DPF3: variants seen among roughly 807,000 people sequenced by gnomAD.
The protein encoded by DPF3 is zinc finger protein DPF3.
A neutral mutation model predicts 56.8 loss-of-function variants in DPF3; 18 were observed. That is an observed-to-expected ratio of 0.32 (90% CI 0.22 to 0.47). The LOEUF (loss-of-function observed/expected upper bound fraction) is 0.47, where lower values mean the gene tolerates loss of function less well. DPF3 is among the 20% of genes least tolerant of loss of function. DPF3 has a pLI of 1.00. For synonymous variants in DPF3, 188 were observed against 180.2 expected, an observed-to-expected ratio of 1.04 and a Z score of -0.35; for missense variants, 403 against 488.8, an observed-to-expected ratio of 0.82 and a Z score of 1.65.
At chr14:72,717,069 C>T (rs1888963131) in intron 5 of DPF3, among the ~76,000 whole-genome samples, 1 of 152,150 alleles carries the variant, frequency 6.6e-6, no homozygotes. Flanking sequence ...CATTCATTGC[C>T]ATCTACAACC....
intron 1 of DPF3, among the ~76,000 whole-genome samples, chr14:72,817,050 A>G (rs1012852471): frequency 1.3e-5 from 2 of 152,142 alleles, no homozygotes; most frequent in Non-Finnish European, 2.9e-5. Flanking sequence ...CTCCTCAGTC[A>G]GAGCCAACCT....
chr14:72,759,916 G>A (rs1285265471), intron 2 of DPF3, among the ~76,000 whole-genome samples: 1 of 152,066 alleles, frequency 6.6e-6, no homozygotes, highest in Non-Finnish European at 1.5e-5. Context: ...TCTATACCCA[G>A]CTAAAATATC....
intron 8 of DPF3, among the ~76,000 whole-genome samples, chr14:72,667,954 T>C (rs895432213): frequency 2.6e-5 from 4 of 152,242 alleles, no homozygotes; most frequent in African/African-American, 4.8e-5. Context: ...GGCTCCTTCC[T>C]AGGTGTACAT....
intron 8 of DPF3, among the ~76,000 whole-genome samples, chr14:72,648,600 C>T (rs1329674901): frequency 2.0e-5 from 3 of 151,096 alleles, no homozygotes; most frequent in African/African-American, 4.9e-5. Flanking sequence ...ATAAAACGAT[C>T]GCATCTTCTC....
At chr14:72,863,973 G>A (rs1454023364) in intron 1 of DPF3, among the ~76,000 whole-genome samples, 1 of 152,220 alleles carries the variant, frequency 6.6e-6, no homozygotes, top group Admixed American at 6.5e-5. Context: ...AGGCCTGGAG[G>A]TGGGAAGCCC....
chr14:72,813,937 G>A (rs752697139), intron 1 of DPF3, among the ~76,000 whole-genome samples: 3 of 152,154 alleles, frequency 2.0e-5, no homozygotes, highest in Middle Eastern at 3.2e-3. Flanking sequence ...GTTTAATTCA[G>A]AGGTTGGCGA....
chr14:72,794,298 C>T (rs1394078724), intron 1 of DPF3, among the ~76,000 whole-genome samples: 1 of 152,210 alleles, frequency 6.6e-6, no homozygotes, highest in Non-Finnish European at 1.5e-5. Context: ...ATTGCCACCA[C>T]CAGTGCCAGA....
chr14:72,860,098 G>A (rs1022935701), intron 1 of DPF3, among the ~76,000 whole-genome samples: 2 of 152,154 alleles, frequency 1.3e-5, no homozygotes, highest in African/African-American at 4.8e-5. Flanking sequence ...ATTTTTACAA[G>A]CTTAGCTGCG....
intron 1 of DPF3, among the ~76,000 whole-genome samples, chr14:72,857,599 T>A (rs1885217249): frequency 6.6e-6 from 1 of 152,138 alleles, no homozygotes; most frequent in Admixed American, 6.5e-5. Flanking sequence ...TTTGTTTGTT[T>A]GTTTTTGAGA....
At chr14:72,827,163 C>T (rs1055597116) in intron 1 of DPF3, among the ~76,000 whole-genome samples, 13 of 152,008 alleles carry the variant, frequency 8.6e-5, no homozygotes, top group Non-Finnish European at 1.6e-4. Flanking sequence ...TGCCATGTTC[C>T]GCTTGGGGTG....
At chr14:72,670,249 A>C in intron 8 of DPF3, 1 of 985,894 alleles carries the variant, frequency 1.0e-6, no homozygotes. Context: ...TGGTGGAGTC[A>C]CTGCTGAGCC....
chr14:72,620,067 T>G, intron 9 of DPF3, 83 bp from the exon 10 acceptor site: 1 of 1,387,984 alleles, frequency 7.2e-7, no homozygotes, highest in South Asian at 1.5e-5. Context: ...CCCATCAGCC[T>G]TATTTCCACG....
In DPF3 at chr14:72,689,459, C is replaced by T. The variant is rs575221391; in HGVS notation, c.742+3617G>A. 7.2e-5 allele frequency among the ~76,000 whole-genome samples: 11 copies of T among 152,262 alleles called. No homozygotes were observed. In the South Asian group the frequency reaches 2.1e-3, roughly 29 times the overall value. ...GCAGATTAGCCTCTTGGATTAAGCT[C>T]TCCTACCTGCCCCTCCCCTCCAAAA... is the stretch of plus-strand genomic sequence containing the variant. On this transcript the variant is annotated intron_variant, in intron 7 of 10. Transcript: ENST00000556509.
At position 72,610,778 on chromosome 14, in the gene DPF3, A is replaced by C. The variant is rs537921225; in HGVS notation, c.*8519T>G. Among the ~76,000 whole-genome samples the C allele has an allele frequency of 7.9e-5, 12 of 152,278 alleles. No homozygotes were observed. In the East Asian group the frequency reaches 2.3e-3, roughly 29 times the overall value. On this transcript the variant is annotated 3_prime_UTR_variant, in exon 11 of 11. Coordinates refer to ENST00000556509, the MANE Select transcript of DPF3 (RefSeq NM_001280542.3). ...TCTTGGGCTCCCAGGTTCATCCCTC[A>C]AGGAGCTGGGGACCTGAGGGCTCAG... is the stretch of plus-strand genomic sequence containing the variant.
At chr14:72,705,110 G>A (rs1888349868) in intron 6 of DPF3, among the ~76,000 whole-genome samples, 1 of 152,192 alleles carries the variant, frequency 6.6e-6, no homozygotes, top group Admixed American at 6.5e-5. Context: ...ACAGCAGGAT[G>A]TGAGTGGCGG....
At position 72,799,193 on chromosome 14, in the gene DPF3, C is replaced by T. The variant is rs117943478; in HGVS notation, c.33-27300G>A. ...TGTAATACCTCCATCCTTCCATCAACCCATCCTCCCTATGGTGGACATAGG... is the reference window on the plus strand; with the variant it reads ...TGTAATACCTCCATCCTTCCATCAATCCATCCTCCCTATGGTGGACATAGG... On this transcript the variant is annotated intron_variant, in intron 1 of 10. Coordinates refer to ENST00000556509, the MANE Select transcript of DPF3 (RefSeq NM_001280542.3). Among the ~76,000 whole-genome samples the T allele has an allele frequency of 2.1e-3, 315 of 152,294 alleles. 1 individual carries two copies. Among genetic ancestry groups the T allele is most frequent in the Non-Finnish European group, 4.1e-3 (282 of 68,022 alleles).
At chr14:72,759,576 G>A (rs1285079457) in intron 2 of DPF3, among the ~76,000 whole-genome samples, 2 of 138,814 alleles carry the variant, frequency 1.4e-5, no homozygotes, top group Admixed American at 7.5e-5. Context: ...AGGGAGAGAG[G>A]GAAGAAAGGG....
At position 72,844,143 on chromosome 14, in the gene DPF3, G is replaced by A. The variant is rs191275657; in HGVS notation, c.32+49914C>T. ...AGGAGTACTGAGATATATAAAACAC[G>A]GGTACACACATAACAGGTTCTAGTC... On this transcript the variant is annotated intron_variant, in intron 1 of 10. Transcript: ENST00000556509. Among the ~76,000 whole-genome samples, 384 of 152,270 alleles carry A rather than the reference G, an allele frequency of 2.5e-3. 6 individuals are homozygous for A. The highest frequency in any genetic ancestry group is 2.6e-3 in the Admixed American group (39 of 15,286).
At chr14:72,674,150 T>C in intron 8 of DPF3, 90 bp downstream of exon 8, 1 of 1,469,032 alleles carries the variant, frequency 6.8e-7, no homozygotes, top group South Asian at 1.5e-5. Context: ...CGCTTCCCTC[T>C]CCAGTCTCCA....
Sources: allele counts gnomAD v4.1 joint callset (sites outside exome capture counted in the v4.1 genomes callset), GRCh38; gene constraint gnomAD v4.1.1; transcripts MANE v1.5; gene names NCBI Gene and HGNC (gene_info 2026-07-23, HGNC 2026-07-21).